Variants in TBC1D12 observed in about 807,000 individuals in gnomAD.
The protein encoded by TBC1D12 is TBC1 domain family, member 12.
Under a neutral mutation model 86.7 loss-of-function variants are expected in TBC1D12, and 56 were observed. The observed-to-expected ratio is 0.65, with a 90% CI of 0.52 to 0.81. TBC1D12 has a LOEUF of 0.81. Among genes scored for constraint, TBC1D12 ranks in the 30% least tolerant of loss-of-function variants. TBC1D12 has a pLI of 0.00. For synonymous variants in TBC1D12, 421 were observed against 411.7 expected (o/e 1.02, Z -0.27); for missense variants, 1,023 against 1,038.8 (o/e 0.98, Z 0.21).
At chr10:94,503,825 A>G (rs2056428699) in intron 6 of TBC1D12, among the ~76,000 whole-genome samples, 1 of 152,142 alleles carries the variant, frequency 6.6e-6, no homozygotes. Context: ...GGGTTTTGCC[A>G]TGTTGGCCAG....
chr10:94,502,561 G>A (rs752965928), intron 6 of TBC1D12, among the ~76,000 whole-genome samples: 90 of 151,910 alleles, frequency 5.9e-4, no homozygotes, highest in Middle Eastern at 3.4e-3. Context: ...CTCAAAATTA[G>A]CCAGGCAGCC....
At chr10:94,444,457 C>T (rs2055423576) in intron 2 of TBC1D12, among the ~76,000 whole-genome samples, 1 of 151,868 alleles carries the variant, frequency 6.6e-6, no homozygotes, top group Admixed American at 6.6e-5. Flanking sequence ...CTGAAAGTAA[C>T]GTCTCTCGTC....
Position 94,531,188 on chromosome 10 carries a change from C to A in TBC1D12, c.2001-14C>A, listed in dbSNP as rs1474613561. On this transcript the variant is annotated splice_polypyrimidine_tract_variant and intron_variant, in intron 11 of 12. Coordinates refer to ENST00000225235, the MANE Select transcript of TBC1D12 (RefSeq NM_015188.2). Reference sequence around the variant, plus strand: ...ATGAAAAATTTCAGTGACCATTTTTCCCTCTAATTTTAGGATCTTCACACT... The same window carrying A: ...ATGAAAAATTTCAGTGACCATTTTTACCTCTAATTTTAGGATCTTCACACT... 1.3e-6 allele frequency: 2 copies of A among 1,591,314 alleles called. No individual in the cohort carries two copies. The highest frequency in any genetic ancestry group is 1.7e-6 in the Non-Finnish European group (2 of 1,167,220).
At chr10:94,476,167 C>T (rs1395355889) in intron 3 of TBC1D12, among the ~76,000 whole-genome samples, 2 of 151,914 alleles carry the variant, frequency 1.3e-5, no homozygotes, top group Non-Finnish European at 2.9e-5. Flanking sequence ...CCTTTCTTGC[C>T]ATTTTCCTGA....
At chr10:94,443,163 C>T (rs1288061239) in intron 2 of TBC1D12, among the ~76,000 whole-genome samples, 1 of 152,108 alleles carries the variant, frequency 6.6e-6, no homozygotes, top group Non-Finnish European at 1.5e-5. Context: ...GCATGTTTGT[C>T]CCTGAGAGAA....
intron 2 of TBC1D12, among the ~76,000 whole-genome samples, chr10:94,461,236 C>T (rs1485798094): frequency 6.6e-6 from 1 of 152,148 alleles, no homozygotes; most frequent in Non-Finnish European, 1.5e-5. Context: ...ATTCTATAGT[C>T]CTATGATTGG....
At chr10:94,532,066 G>C (rs557557584) in intron 12 of TBC1D12, among the ~76,000 whole-genome samples, 1 of 151,988 alleles carries the variant, frequency 6.6e-6, no homozygotes, top group East Asian at 1.9e-4. Flanking sequence ...ATTTTTAGTA[G>C]AGATGGGGTT....
intron 2 of TBC1D12, among the ~76,000 whole-genome samples, chr10:94,472,652 A>G (rs1354349186): frequency 6.6e-6 from 1 of 152,198 alleles, no homozygotes; most frequent in Non-Finnish European, 1.5e-5. Context: ...CATGAGCAGA[A>G]AAGGGATTTA....
In TBC1D12 at chr10:94,462,931, T is replaced by C. The variant is rs117448689; in HGVS notation, c.1096-11737T>C. 4.0e-3 allele frequency among the ~76,000 whole-genome samples: 607 copies of C among 152,358 alleles called. 4 individuals are homozygous for C. The highest frequency in any genetic ancestry group is 6.8e-3 in the Non-Finnish European group (463 of 68,038). ...TTGATTTCTGTTCTTTATTATTTAC[T>C]ATCCACTTGCTTTGGATGTATTTTG... On this transcript the variant is annotated intron_variant, in intron 2 of 12. Transcript: ENST00000225235.
At chr10:94,498,956 A>T (rs547391928) in intron 5 of TBC1D12, among the ~76,000 whole-genome samples, 24 of 151,828 alleles carry the variant, frequency 1.6e-4, no homozygotes, top group African/African-American at 5.6e-4. Flanking sequence ...TTTTTTATAG[A>T]TATGGGGTCT....
rs577235482 is a variant in TBC1D12, at chr10:94,510,035, A to G, written c.1601-56A>G. On this transcript the variant is annotated intron_variant, in intron 7 of 12. Coordinates refer to ENST00000225235, the MANE Select transcript of TBC1D12 (RefSeq NM_015188.2). ...TGTGTGATCATTCTGTATTTATAAAATTGGACTTGTTAGAGCCAAGTGATC... is the reference window on the plus strand; with the variant it reads ...TGTGTGATCATTCTGTATTTATAAAGTTGGACTTGTTAGAGCCAAGTGATC... 4.3e-5 allele frequency: 53 copies of G among 1,239,136 alleles called. 1 individual carries two copies. In the South Asian group the frequency reaches 6.3e-4, roughly 15 times the overall value. 76.8% of individuals were successfully genotyped at this position (1,239,136 alleles called of 1,614,324 possible). A position where few individuals can be genotyped will look rare whatever the true frequency, so the allele number is the denominator to read the frequency against.
At chr10:94,422,905 G>T (rs777054784) in intron 1 of TBC1D12, among the ~76,000 whole-genome samples, 5 of 152,078 alleles carry the variant, frequency 3.3e-5, no homozygotes, top group African/African-American at 4.8e-5. Flanking sequence ...TTTATTGTTA[G>T]CATATAATAG....
Position 94,402,945 on chromosome 10 carries a change from TGGGCTCG to T in TBC1D12, c.335_341del (p.Gly112AlafsTer20), listed in dbSNP as rs1395430240. 6.4e-7 allele frequency: 1 copy of T among 1,561,722 alleles called. No individual in the cohort carries two copies. Among genetic ancestry groups the T allele is most frequent in the Admixed American group, 1.9e-5 (1 of 53,796 alleles). ...GCCCCACGATCGGACGCCTGCCTGC[TGGGCTCG>T]GGCTCCAAACACCGCGGCGCGGAGG... On this transcript the variant is annotated frameshift_variant, in exon 1 of 13. Transcript: ENST00000225235. LOFTEE classifies it high-confidence loss of function.
chr10:94,448,115 T>C (rs560141322), intron 2 of TBC1D12, among the ~76,000 whole-genome samples: 193 of 152,218 alleles, frequency 1.3e-3, no homozygotes, highest in South Asian at 5.0e-3. Context: ...AGTTGTAAGA[T>C]ACTGATTTCT....
At chr10:94,473,529 C>G (rs1198926561) in intron 2 of TBC1D12, among the ~76,000 whole-genome samples, 1 of 152,058 alleles carries the variant, frequency 6.6e-6, no homozygotes, top group Non-Finnish European at 1.5e-5. Context: ...TGTAGTTAAG[C>G]AACTAAAAAG....
At chr10:94,516,637 A>T (rs568612490) in intron 9 of TBC1D12, among the ~76,000 whole-genome samples, 1 of 134,712 alleles carries the variant, frequency 7.4e-6, no homozygotes, top group Admixed American at 9.2e-5. Context: ...CTCATTGTTC[A>T]GTTCCCACCT....
chr10:94,452,713 G>A (rs2055569746), intron 2 of TBC1D12, among the ~76,000 whole-genome samples: 1 of 152,126 alleles, frequency 6.6e-6, no homozygotes, highest in Non-Finnish European at 1.5e-5. Context: ...TTGCTTCCAA[G>A]TTTTGGCTGT....
intron 3 of TBC1D12, among the ~76,000 whole-genome samples, chr10:94,479,471 T>C (rs2056045283): frequency 6.6e-6 from 1 of 152,128 alleles, no homozygotes; most frequent in African/African-American, 2.4e-5. Flanking sequence ...TTTCTGAAAT[T>C]TAGGAACAGT....
chr10:94,511,220 C>T (rs967043505), intron 8 of TBC1D12, among the ~76,000 whole-genome samples: 1 of 151,268 alleles, frequency 6.6e-6, no homozygotes, highest in Non-Finnish European at 1.5e-5. Flanking sequence ...GCCTCAGCCA[C>T]CCGAGTAGCT....
Sources: allele counts gnomAD v4.1 joint callset (sites outside exome capture counted in the v4.1 genomes callset), GRCh38; gene constraint gnomAD v4.1.1; transcripts MANE v1.5; gene names NCBI Gene and HGNC (gene_info 2026-07-23, HGNC 2026-07-21).